The following TBC1D22A variants were observed in gnomAD, a reference collection of about 807,000 sequenced individuals.
The protein encoded by TBC1D22A is putative GTPase activator.
In TBC1D22A, 38 loss-of-function variants were observed where a neutral mutation model predicts 60.2. The observed-to-expected ratio is 0.63, with a 90% CI of 0.49 to 0.83. The LOEUF (loss-of-function observed/expected upper bound fraction) is 0.83, where lower values mean the gene tolerates loss of function less well. Ranked by LOEUF, TBC1D22A falls within the 40% of genes least tolerant of loss-of-function variation. The pLI is 0.00. For synonymous variants in TBC1D22A, 302 were observed against 281.7 expected, an observed-to-expected ratio of 1.07 and a Z score of -0.72; for missense variants, 628 against 701.0, an observed-to-expected ratio of 0.90 and a Z score of 1.18.
Position 47,091,465 on chromosome 22 carries a change from A to G in TBC1D22A, c.1330-20043A>G, listed in dbSNP as rs1447496058. ...CGTGTTGATAGAGACAGGCACGAGA[A>G]GTCGTCTTTGCTGGGGAGTGGCCTC... On this transcript the variant is annotated intron_variant, in intron 11 of 12. Transcript: ENST00000337137. Among the ~76,000 whole-genome samples the G allele has an allele frequency of 6.3e-5, 9 of 143,530 alleles. No homozygotes were observed. The East Asian group carries it at 1.9e-3, about 30-fold the overall frequency. 94.2% of individuals were successfully genotyped at this position (143,530 alleles called of 152,430 possible). A position where few individuals can be genotyped will look rare whatever the true frequency, so the allele number is the denominator to read the frequency against.
At chr22:46,787,850 T>C (rs1042819465) in intron 1 of TBC1D22A, among the ~76,000 whole-genome samples, 17 of 151,748 alleles carry the variant, frequency 1.1e-4, no homozygotes, top group African/African-American at 3.9e-4. Context: ...CTCTGGGTGG[T>C]GTCTGTGTGG....
intron 9 of TBC1D22A, among the ~76,000 whole-genome samples, chr22:46,987,202 A>G (rs1165012824): frequency 1.3e-5 from 2 of 152,156 alleles, no homozygotes; most frequent in Non-Finnish European, 2.9e-5. Context: ...AAGCAGTCAC[A>G]AGTCTATTCT....
intron 8 of TBC1D22A, among the ~76,000 whole-genome samples, chr22:46,970,614 C>T (rs1175134104): frequency 6.6e-6 from 1 of 152,184 alleles, no homozygotes; most frequent in Non-Finnish European, 1.5e-5. Flanking sequence ...TTGCTCCCTT[C>T]TCGTTCTCCC....
chr22:46,847,923 GT>G lies in TBC1D22A; in HGVS notation c.638-30729del, dbSNP rs1569125346. On this transcript the variant is annotated intron_variant, in intron 4 of 12. Coordinates refer to ENST00000337137, the MANE Select transcript of TBC1D22A (RefSeq NM_014346.5). ...ATAGTCAAGGTACCCTAGTGGGTGT[GT>G]GTGTGTGTGTGTGTGTGTGTGTGTG... is the stretch of plus-strand genomic sequence containing the variant. Among the ~76,000 whole-genome samples, 76 of 71,228 alleles carry G rather than the reference GT, an allele frequency of 1.1e-3. No individual in the cohort carries two copies. In the South Asian group the frequency reaches 0.012, roughly 11 times the overall value. The allele number at this position is 71,228 out of a possible 152,430, so 46.7% of individuals were successfully genotyped here. A position where few individuals can be genotyped will look rare whatever the true frequency, so the allele number is the denominator to read the frequency against.
chr22:47,165,868 G>C (rs1018907203), intron 12 of TBC1D22A, among the ~76,000 whole-genome samples: 4 of 152,088 alleles, frequency 2.6e-5, no homozygotes, highest in Non-Finnish European at 5.9e-5. Flanking sequence ...TTTCTCACCA[G>C]GCTGCACACG....
intron 4 of TBC1D22A, among the ~76,000 whole-genome samples, chr22:46,852,968 A>G (rs546617180): frequency 6.6e-6 from 1 of 152,264 alleles, no homozygotes; most frequent in African/African-American, 2.4e-5. Flanking sequence ...GTGGGACTGG[A>G]CGACAGTCCA....
chr22:47,125,841 T>G (rs1381833784), intron 12 of TBC1D22A, among the ~76,000 whole-genome samples: 1 of 152,184 alleles, frequency 6.6e-6, no homozygotes, highest in Non-Finnish European at 1.5e-5. Context: ...CAGCTGGGGC[T>G]CCTGGAGCAG....
chr22:47,066,875 C>A (rs544864121), intron 11 of TBC1D22A, among the ~76,000 whole-genome samples: 1 of 152,168 alleles, frequency 6.6e-6, no homozygotes, highest in East Asian at 1.9e-4. Context: ...ACTGCAAATC[C>A]TGTCTCGAAT....
chr22:46,806,050 A>G (rs1008664161), intron 4 of TBC1D22A, among the ~76,000 whole-genome samples: 1 of 151,796 alleles, frequency 6.6e-6, no homozygotes, highest in Non-Finnish European at 1.5e-5. Context: ...ACGGGGTTTC[A>G]CCATGTTGGT....
chr22:47,141,437 G>A lies in TBC1D22A; in HGVS notation c.1425+29834G>A, dbSNP rs765421273. On this transcript the variant is annotated intron_variant, in intron 12 of 12. Transcript: ENST00000337137. ...TGCTTTTTGCCTTCCCCTTACGCAC[G>A]CATTTATAATCCTCGGACCAGCTCT... Among the ~76,000 whole-genome samples, 13 of 152,296 alleles carry A rather than the reference G, an allele frequency of 8.5e-5. No individual in the cohort carries two copies. The South Asian group carries it at 1.0e-3, about 12-fold the overall frequency.
chr22:46,897,311 ACACC>A, intron 7 of TBC1D22A, among the ~76,000 whole-genome samples: 1 of 152,264 alleles, frequency 6.6e-6, no homozygotes, highest in African/African-American at 2.4e-5. Context: ...TACTTAGTGT[ACACC>A]CTATGTAAAT....
At chr22:47,019,629 G>A (rs1019008166) in intron 10 of TBC1D22A, among the ~76,000 whole-genome samples, 12 of 151,956 alleles carry the variant, frequency 7.9e-5, no homozygotes, top group African/African-American at 2.9e-4. Flanking sequence ...GTAGTGATAT[G>A]GGGCATGTGG....
At chr22:47,142,889 C>T (rs1251239254) in intron 12 of TBC1D22A, among the ~76,000 whole-genome samples, 3 of 148,518 alleles carry the variant, frequency 2.0e-5, no homozygotes, top group Non-Finnish European at 3.0e-5. Flanking sequence ...CCCACCCACC[C>T]GACCACCCAC....
intron 7 of TBC1D22A, among the ~76,000 whole-genome samples, chr22:46,902,804 G>T (rs536220613): frequency 6.6e-6 from 1 of 152,366 alleles, no homozygotes; most frequent in East Asian, 1.9e-4. Flanking sequence ...CGGTGGGCAC[G>T]TGGGGACACG....
chr22:47,062,507 T>C (rs537668144), intron 11 of TBC1D22A, among the ~76,000 whole-genome samples: 1 of 152,276 alleles, frequency 6.6e-6, no homozygotes, highest in East Asian at 1.9e-4. Context: ...CAGAATACGG[T>C]GCATGGTGGT....
chr22:46,875,080 C>T (rs1352927808), intron 4 of TBC1D22A, among the ~76,000 whole-genome samples: 2 of 152,208 alleles, frequency 1.3e-5, no homozygotes, highest in Admixed American at 6.5e-5. Flanking sequence ...GAAATGGAGA[C>T]ATACACCCAC....
intron 11 of TBC1D22A, among the ~76,000 whole-genome samples, chr22:47,051,399 G>A (rs1376707498): frequency 1.3e-5 from 2 of 152,128 alleles, no homozygotes; most frequent in East Asian, 1.9e-4. Flanking sequence ...CTGTCTTTCC[G>A]TCCTTAAAGA....
rs962458737 is a variant in TBC1D22A at position 47,028,321 on chromosome 22, C to T, written c.1202-8750C>T. On this transcript the variant is annotated intron_variant, in intron 10 of 12. Coordinates refer to ENST00000337137, the MANE Select transcript of TBC1D22A (RefSeq NM_014346.5). The surrounding 1 kb of genome is among the most constrained non-coding windows in gnomAD (Gnocchi z 4.4). ...CTGAGATTCTGAGAGTGAGTGGTCG[C>T]GTTCCTGTCCCTCGGTCCCTGTCCC... 1.3e-5 allele frequency among the ~76,000 whole-genome samples: 2 copies of T among 152,024 alleles called. No individual in the cohort carries two copies. Among genetic ancestry groups the T allele is most frequent in the Non-Finnish European group, 2.9e-5 (2 of 68,018 alleles).
At chr22:47,036,932 T>C (rs903955628) in intron 10 of TBC1D22A, 139 bp from the exon 11 acceptor site, 10 of 925,298 alleles carry the variant, frequency 1.1e-5, no homozygotes, top group Middle Eastern at 3.1e-4. Context: ...TCTTTGCTCC[T>C]TGGGGGTTGT....
Sources: allele counts gnomAD v4.1 joint callset (sites outside exome capture counted in the v4.1 genomes callset), GRCh38; gene constraint gnomAD v4.1.1; non-coding constraint Gnocchi (gnomAD v3.1); transcripts MANE v1.5; gene names NCBI Gene and HGNC (gene_info 2026-07-23, HGNC 2026-07-21).